MARCHF1: variants seen among roughly 807,000 people sequenced by gnomAD.
MARCHF1 encodes membrane associated ring-CH-type finger 1, also known as E3 ubiquitin-protein ligase MARCHF1.
In MARCHF1, 40 loss-of-function variants were observed where a neutral mutation model predicts 54.2. That is an observed-to-expected ratio of 0.74 (90% CI 0.57 to 0.96). The LOEUF is 0.96. MARCHF1 is among the 40% of genes least tolerant of loss of function. MARCHF1 has a pLI of 0.00. For missense variants in MARCHF1, 586 were observed against 656.5 expected (o/e 0.89, Z 1.17); for synonymous variants, 236 against 236.3 (o/e 1.00, Z 0.01).
intron 3 of MARCHF1, among the ~76,000 whole-genome samples, chr4:163,979,858 T>G (rs1361881517): frequency 1.3e-5 from 2 of 152,110 alleles, no homozygotes; most frequent in Admixed American, 6.6e-5. Flanking sequence ...CACCCACTTT[T>G]TGATGGGGTT....
chr4:163,613,517 G>GCAGAA, intron 5 of MARCHF1, 124 bp from the exon 6 acceptor site: 1 of 1,603,852 alleles, frequency 6.2e-7, no homozygotes, highest in Non-Finnish European at 8.5e-7. Context: ...TGCTTATAAT[G>GCAGAA]CAGAACAGAG....
intron 4 of MARCHF1, among the ~76,000 whole-genome samples, chr4:163,756,365 A>T (rs1746667040): frequency 6.6e-6 from 1 of 152,118 alleles, no homozygotes; most frequent in African/African-American, 2.4e-5. Flanking sequence ...ATGGTGGCTC[A>T]TGCCTGTAAT....
intron 4 of MARCHF1, among the ~76,000 whole-genome samples, chr4:163,731,536 AG>A (rs2111326058): frequency 6.6e-6 from 1 of 152,358 alleles, no homozygotes; most frequent in South Asian, 2.1e-4. Context: ...AAGTTCCCTC[AG>A]CTGAGAAGAT....
chr4:163,942,611 T>C (rs4234964), intron 3 of MARCHF1, among the ~76,000 whole-genome samples: 125,703 of 152,124 alleles, frequency 0.83, 52,270 homozygotes, highest in East Asian at 0.93. Context: ...CCATGCCAAG[T>C]AATTTTACAG....
intron 7 of MARCHF1, among the ~76,000 whole-genome samples, chr4:163,598,907 G>A (rs1263675491): frequency 6.6e-6 from 1 of 151,982 alleles, no homozygotes; most frequent in Non-Finnish European, 1.5e-5. Context: ...CGACTCTTTT[G>A]TCGTAACAGC....
At chr4:163,602,766 T>G (rs956212149) in intron 7 of MARCHF1, among the ~76,000 whole-genome samples, 2 of 152,154 alleles carry the variant, frequency 1.3e-5, no homozygotes, top group African/African-American at 4.8e-5. Flanking sequence ...TATCTTTTAC[T>G]TGTAGAACAG....
intron 4 of MARCHF1, among the ~76,000 whole-genome samples, chr4:163,806,660 T>C (rs540427366): frequency 3.3e-5 from 5 of 152,144 alleles, no homozygotes; most frequent in Admixed American, 6.5e-5. Flanking sequence ...GGTCACCACT[T>C]CCCAAGCTCA....
chr4:163,967,199 G>A (rs1752459094), intron 3 of MARCHF1, among the ~76,000 whole-genome samples: 1 of 152,114 alleles, frequency 6.6e-6, no homozygotes, highest in Non-Finnish European at 1.5e-5. Flanking sequence ...AAGGCAGTGG[G>A]AAGTAATCAA....
At chr4:163,998,396 T>C (rs1753121206) in intron 2 of MARCHF1, among the ~76,000 whole-genome samples, 2 of 151,720 alleles carry the variant, frequency 1.3e-5, no homozygotes, top group South Asian at 4.1e-4. Context: ...AATACTCATG[T>C]TAATTAATAT....
chr4:164,368,197 A>G (rs1002289433), intron 1 of MARCHF1, among the ~76,000 whole-genome samples: 2 of 36,670 alleles, frequency 5.5e-5, no homozygotes, highest in Non-Finnish European at 7.3e-5. Flanking sequence ...ATCCTAGGTG[A>G]AAAAAAAAAA....
At chr4:163,800,741 A>C (rs753454985) in intron 4 of MARCHF1, among the ~76,000 whole-genome samples, 2 of 152,134 alleles carry the variant, frequency 1.3e-5, no homozygotes, top group South Asian at 2.1e-4. Context: ...GTTCAAAAAG[A>C]AAGTCTTCAG....
At chr4:163,803,175 TATTA>T (rs1483370732) in intron 4 of MARCHF1, among the ~76,000 whole-genome samples, 6 of 152,146 alleles carry the variant, frequency 3.9e-5, no homozygotes, top group Non-Finnish European at 5.9e-5. Flanking sequence ...TTATTATTAT[TATTA>T]ATTGTTTTTT....
rs1343848461 is a variant in MARCHF1 at position 163,585,967 on chromosome 4, G to A, written c.1011-38C>T. On this transcript the variant is annotated intron_variant, in intron 7 of 9. Coordinates refer to ENST00000514618, the MANE Select transcript of MARCHF1 (RefSeq NM_001394959.1). ...ACAGCAGCCAGTATGAGATCTCCCA[G>A]AGAACATTTCTCGCCTGTGTTATTT... The A allele has an allele frequency of 2.6e-6, 4 of 1,554,516 alleles. No individual in the cohort carries two copies. In the African/African-American group the frequency reaches 4.1e-5, roughly 16 times the overall value.
chr4:164,003,169 A>G (rs142809226), intron 2 of MARCHF1, among the ~76,000 whole-genome samples: 178 of 152,122 alleles, frequency 1.2e-3, no homozygotes, highest in Non-Finnish European at 2.1e-3. Context: ...TTAATATTTA[A>G]ATAACGGAAA....
chr4:163,570,296 C>T (rs747607521), intron 8 of MARCHF1, among the ~76,000 whole-genome samples: 5 of 152,042 alleles, frequency 3.3e-5, no homozygotes, highest in Non-Finnish European at 5.9e-5. Context: ...AACAGTGAAT[C>T]TGCTACAGTG....
At position 163,985,319 on chromosome 4, in the gene MARCHF1, C is replaced by T. The variant is rs540480293; in HGVS notation, c.-39+3182G>A. On this transcript the variant is annotated intron_variant, in intron 3 of 9. Coordinates refer to ENST00000514618, the MANE Select transcript of MARCHF1 (RefSeq NM_001394959.1). ...TTGGTGCCTCTGAAAGATAAACCTA[C>T]ATCCCTTCTCTAACCCTTAATATCA... is the stretch of plus-strand genomic sequence containing the variant. 2.0e-5 allele frequency among the ~76,000 whole-genome samples: 3 copies of T among 152,238 alleles called. No homozygotes were observed. The South Asian group carries it at 6.2e-4, about 32-fold the overall frequency.
intron 4 of MARCHF1, among the ~76,000 whole-genome samples, chr4:163,787,249 C>A (rs1369965523): frequency 1.3e-5 from 2 of 151,560 alleles, no homozygotes; most frequent in African/African-American, 4.8e-5. Context: ...AAACTTAAAT[C>A]CTTCTAAGCA....
chr4:163,690,737 C>T (rs1744420164), intron 5 of MARCHF1, among the ~76,000 whole-genome samples: 1 of 152,102 alleles, frequency 6.6e-6, no homozygotes, highest in Admixed American at 6.6e-5. Flanking sequence ...AACAGGAAGC[C>T]TTAGACATAA....
intron 4 of MARCHF1, among the ~76,000 whole-genome samples, chr4:163,754,078 A>C (rs1446271023): frequency 2.0e-5 from 3 of 152,168 alleles, no homozygotes; most frequent in Non-Finnish European, 4.4e-5. Context: ...TTGCTTTTGG[A>C]AGGTCAACAT....
Sources: gnomAD v4.1 joint callset for allele counts (sites outside exome capture counted in the v4.1 genomes callset) on GRCh38, gnomAD v4.1.1 for gene constraint, MANE v1.5 for transcripts, NCBI Gene and HGNC (gene_info 2026-07-23, HGNC 2026-07-21) for gene names.